The following RAF1 variants were observed in gnomAD, a reference collection of about 807,000 sequenced individuals.
The protein encoded by RAF1 is RAF proto-oncogene serine/threonine-protein kinase.
In RAF1, 27 loss-of-function variants were observed where a neutral mutation model predicts 81.1. The observed-to-expected ratio is 0.33, with a 90% confidence interval of 0.25 to 0.46. The LOEUF is 0.46. Ranked by LOEUF, RAF1 falls within the 20% of genes least tolerant of loss-of-function variation. The probability of loss-of-function intolerance (pLI) is 1.00; values close to 1 mark genes in which losing one functional copy is unlikely to be tolerated. For missense variants in RAF1, 598 were observed against 826.0 expected, an observed-to-expected ratio of 0.72 and a Z score of 3.38; for synonymous variants, 298 against 294.0, an observed-to-expected ratio of 1.01 and a Z score of -0.14.
At chr3:12,617,181 T>C (rs2059394893) in intron 2 of RAF1, among the ~76,000 whole-genome samples, 1 of 152,088 alleles carries the variant, frequency 6.6e-6, no homozygotes, top group Non-Finnish European at 1.5e-5. Context: ...GGCGCAATCC[T>C]GGCCCACTGC....
At chr3:12,619,167 C>T (rs1034257020) in intron 1 of RAF1, among the ~76,000 whole-genome samples, 1 of 151,280 alleles carries the variant, frequency 6.6e-6, no homozygotes, top group Non-Finnish European at 1.5e-5. Context: ...ATGGCGGGAA[C>T]CTGGGAGGCG....
At chr3:12,637,413 T>C (rs1168950520) in intron 1 of RAF1, among the ~76,000 whole-genome samples, 1 of 151,646 alleles carries the variant, frequency 6.6e-6, no homozygotes, top group Admixed American at 6.6e-5. Context: ...CTACAGCACA[T>C]GCCACCACAC....
At chr3:12,593,786 C>CTTT (rs756831846) in intron 11 of RAF1, among the ~76,000 whole-genome samples, 19,917 of 110,562 alleles carry the variant, frequency 0.18, 1,747 homozygotes, top group African/African-American at 0.26. Context: ...GGAGTAAATC[C>CTTT]TTTTTTTTTT....
Position 12,618,569 on chromosome 3 carries a change from A to G in RAF1, c.153T>C (p.Pro51=). ...CACGGATAGTGTTGCTTGTCTTAGA[A>G]GGATCTGTGAGTTTGCCATCATCTG... Residue 51 remains proline, a synonymous_variant, in exon 2 of 18, where the codon CCT becomes CCC. Transcript: ENST00000442415. The G allele has an allele frequency of 6.2e-7, 1 of 1,614,148 alleles. No homozygotes were observed. Among genetic ancestry groups the G allele is most frequent in the South Asian group, 1.1e-5 (1 of 91,080 alleles).
chr3:12,655,989 G>A (rs538803318), intron 1 of RAF1, among the ~76,000 whole-genome samples: 2 of 151,476 alleles, frequency 1.3e-5, no homozygotes, highest in African/African-American at 4.9e-5. Flanking sequence ...TTCTGGAAAC[G>A]AGTAGTGGCG....
intron 2 of RAF1, among the ~76,000 whole-genome samples, chr3:12,612,971 T>C (rs2059262736): frequency 6.6e-6 from 1 of 152,142 alleles, no homozygotes; most frequent in Non-Finnish European, 1.5e-5. Context: ...TCACAAGTAC[T>C]TAACACTAGT....
At chr3:12,589,826 T>C (rs1575542181) in intron 13 of RAF1, 1 of 150,130 alleles carries the variant, frequency 6.7e-6, no homozygotes, top group East Asian at 2.0e-4. Context: ...AGTCTGGCTC[T>C]GTCACCCAGG....
At chr3:12,603,776 G>GTCTTCCAGAGAAGACTTTTTATT (rs1441120333) in intron 7 of RAF1, among the ~76,000 whole-genome samples, 2 of 152,132 alleles carry the variant, frequency 1.3e-5, no homozygotes, top group African/African-American at 4.8e-5. Flanking sequence ...AATCACAAAA[G>GTCTTCCAGAGAAGACTTTTTATT]TCTTCCAGAG....
chr3:12,587,741 A>G (rs1467295865), intron 13 of RAF1, 104 bp from the exon 13 acceptor site: 4 of 963,532 alleles, frequency 4.2e-6, no homozygotes, highest in Non-Finnish European at 6.7e-6. Context: ...CCTGGCTCCA[A>G]GGAGTGTTAC....
At position 12,590,885 on chromosome 3, in the gene RAF1, C is replaced by G; in HGVS notation, c.1343G>C (p.Ser448Thr). 6.2e-7 allele frequency: 1 copy of G among 1,613,166 alleles called. No individual in the cohort carries two copies. The highest frequency in any genetic ancestry group is 1.1e-5 in the South Asian group (1 of 91,060). ...CTGGACATGCAGGTGTTTGTAGAGGCTGCTGCCCTCGCACCACTGGGTCAC... is the reference window on the plus strand; with the variant it reads ...CTGGACATGCAGGTGTTTGTAGAGGGTGCTGCCCTCGCACCACTGGGTCAC... The change falls in exon 13 of 18, where the codon AGC becomes ACC. Residue 448 changes from serine (S) to threonine (T), a missense_variant. By Grantham distance (58) the Ser-to-Thr change is moderately conservative. Coordinates refer to ENST00000442415, the MANE Select transcript of RAF1 (RefSeq NM_001354689.3).
At chr3:12,642,912 A>G (rs1336193481) in intron 1 of RAF1, among the ~76,000 whole-genome samples, 6 of 152,114 alleles carry the variant, frequency 3.9e-5, no homozygotes, top group Admixed American at 3.9e-4. Flanking sequence ...AAAAAAGTCA[A>G]GAATGCATTC....
intron 1 of RAF1, among the ~76,000 whole-genome samples, chr3:12,653,230 T>A (rs1043529092): frequency 8.0e-5 from 12 of 150,786 alleles, no homozygotes; most frequent in African/African-American, 2.7e-4. Flanking sequence ...TGCAGTGAGC[T>A]GAGATCTTGC....
intron 11 of RAF1, among the ~76,000 whole-genome samples, chr3:12,595,297 C>CCCAGG (rs2058651958): frequency 6.6e-6 from 1 of 151,952 alleles, no homozygotes. Context: ...GTCTCAAATT[C>CCCAGG]CTGACTTCAA....
At chr3:12,599,606 T>C in intron 11 of RAF1, 85 bp downstream of exon 10, 1 of 959,428 alleles carries the variant, frequency 1.0e-6, no homozygotes, top group South Asian at 1.3e-5. Context: ...GAGCACTCAG[T>C]CCTCTCCTCC....
rs1228678241 is a variant in RAF1 at position 12,584,575 on chromosome 3, G to A, written c.1946C>T (p.Ala649Val). 6.2e-7 allele frequency: 1 copy of A among 1,614,162 alleles called. No individual in the cohort carries two copies. Among genetic ancestry groups the A allele is most frequent in the East Asian group, 2.2e-5 (1 of 44,866 alleles). The change falls in exon 18 of 18, where the codon GCC becomes GTC. Residue 649 changes from alanine (A) to valine (V), a missense_variant. Physicochemically the swap from Ala to Val is moderately conservative, Grantham distance 64. Coordinates refer to ENST00000442415, the MANE Select transcript of RAF1 (RefSeq NM_001354689.3). ...GCAAGCATTGATATCCTCAGTGTGG[G>A]CTGCCCGATGCAAGGATGGCTCGGA...
intron 2 of RAF1, among the ~76,000 whole-genome samples, chr3:12,615,207 CCAGT>C (rs1451479109): frequency 2.0e-5 from 3 of 152,168 alleles, no homozygotes; most frequent in African/African-American, 7.2e-5. Flanking sequence ...GTCCTCGGCT[CCAGT>C]CAATCACTTA....
At chr3:12,633,483 G>A (rs116542919) in intron 1 of RAF1, among the ~76,000 whole-genome samples, 3,873 of 126,578 alleles carry the variant, frequency 0.031, 75 homozygotes, top group Middle Eastern at 0.039. Flanking sequence ...ACCCTGTCTG[G>A]AAATTAAAAA....
intron 1 of RAF1, among the ~76,000 whole-genome samples, chr3:12,653,092 GGC>G (rs2060585380): frequency 1.3e-5 from 2 of 151,952 alleles, no homozygotes; most frequent in Non-Finnish European, 2.9e-5. Flanking sequence ...GACCACCCTG[GGC>G]AACAGGGTGA....
chr3:12,585,964 A>G lies in RAF1; in HGVS notation c.1478-165T>C, dbSNP rs1559401047. ...TGAAGTTCTTTAAAGTGCTTTTGAA[A>G]TGCACCTTCTTCCAGAAGACAGGCA... On this transcript the variant is annotated intron_variant, in intron 14 of 17. Transcript: ENST00000442415. 4.7e-6 allele frequency: 3 copies of G among 639,136 alleles called. No individual in the cohort carries two copies. The Admixed American group carries it at 7.0e-5, about 15-fold the overall frequency. The allele number at this position is 639,136 out of a possible 1,614,324, so 39.6% of individuals were successfully genotyped here.
Sources: allele counts gnomAD v4.1 joint callset (sites outside exome capture counted in the v4.1 genomes callset), GRCh38; gene constraint gnomAD v4.1.1; transcripts MANE v1.5; gene names NCBI Gene and HGNC (gene_info 2026-07-23, HGNC 2026-07-21).